Variants in FSHR observed in about 807,000 individuals in gnomAD.
FSHR encodes follicle stimulating hormone receptor.
Under a neutral mutation model 52.1 loss-of-function variants are expected in FSHR, and 46 were observed. The ratio of observed to expected loss-of-function variants is 0.88; its 90% CI spans 0.70 to 1.13. The LOEUF is 1.13. Ranked by LOEUF, FSHR falls within the 50% of genes most tolerant of loss-of-function variation. The probability of loss-of-function intolerance (pLI) is 0.00; values close to 1 mark genes in which losing one functional copy is unlikely to be tolerated. For missense variants in FSHR, 964 were observed against 834.6 expected (o/e 1.16, Z -1.91); for synonymous variants, 399 against 309.6 (o/e 1.29, Z -3.03).
At chr2:49,043,730 C>T (rs1323078690) in intron 2 of FSHR, among the ~76,000 whole-genome samples, 2 of 152,166 alleles carry the variant, frequency 1.3e-5, no homozygotes, top group African/African-American at 4.8e-5. Flanking sequence ...TCTTCTATTC[C>T]TGTTTGAACA....
At chr2:49,103,230 A>C (rs1388176220) in intron 1 of FSHR, among the ~76,000 whole-genome samples, 1 of 152,138 alleles carries the variant, frequency 6.6e-6, no homozygotes, top group African/African-American at 2.4e-5. Flanking sequence ...GGAGCCCCTG[A>C]GGATATCTAG....
intron 1 of FSHR, among the ~76,000 whole-genome samples, chr2:49,116,794 C>G (rs896154983): frequency 1.3e-5 from 2 of 152,126 alleles, no homozygotes; most frequent in Non-Finnish European, 2.9e-5. Context: ...ATGGTCAAAT[C>G]AGGGTTCTTA....
At chr2:49,144,175 A>G (rs1297360149) in intron 1 of FSHR, among the ~76,000 whole-genome samples, 1 of 152,130 alleles carries the variant, frequency 6.6e-6, no homozygotes, top group African/African-American at 2.4e-5. Context: ...AGGAATTTGG[A>G]AGAATCTTCT....
chr2:49,069,936 TG>T (rs1278457007), intron 1 of FSHR, among the ~76,000 whole-genome samples: 1 of 152,142 alleles, frequency 6.6e-6, no homozygotes, highest in Admixed American at 6.6e-5. Context: ...TATATATTGG[TG>T]TTAGTGAAAT....
At chr2:48,997,746 C>A (rs1469416005) in intron 4 of FSHR, among the ~76,000 whole-genome samples, 2 of 152,110 alleles carry the variant, frequency 1.3e-5, no homozygotes, top group Admixed American at 6.6e-5. Context: ...TTTCCTTGAT[C>A]CACTAGGACC....
At position 48,990,566 on chromosome 2, in the gene FSHR, A is replaced by T. The variant is rs1675724245; in HGVS notation, c.446T>A (p.Leu149His). ...HKIHSLQKVL[L>H]DIQDNINIHT... ...GTAGTCACTCAAGGAAAAAACTTAC[A>T]GTAAAACTTTTTGGAGAGAATGAAT... The change falls in exon 5 of 10, where the codon CTT becomes CAT. Residue 149 changes from leucine to histidine, a missense_variant and splice_region_variant. Physicochemically the swap from Leu to His is moderately conservative, Grantham distance 99. Transcript: ENST00000406846. The T allele has an allele frequency of 6.2e-7, 1 of 1,603,164 alleles. No individual in the cohort carries two copies. Among genetic ancestry groups the T allele is most frequent in the Non-Finnish European group, 8.5e-7 (1 of 1,170,026 alleles).
chr2:49,122,376 C>A (rs943520142), intron 1 of FSHR, among the ~76,000 whole-genome samples: 1 of 152,194 alleles, frequency 6.6e-6, no homozygotes, highest in Non-Finnish European at 1.5e-5. Context: ...CACGGAGTGA[C>A]AACAAGCTTA....
chr2:48,989,791 G>C (rs1573055254), intron 5 of FSHR, among the ~76,000 whole-genome samples: 1 of 152,036 alleles, frequency 6.6e-6, no homozygotes, highest in African/African-American at 2.4e-5. Flanking sequence ...CTGAATGAAA[G>C]GATGAGGAAA....
At chr2:49,061,816 A>C (rs1284877495) in intron 2 of FSHR, among the ~76,000 whole-genome samples, 1 of 139,330 alleles carries the variant, frequency 7.2e-6, no homozygotes, top group Non-Finnish European at 1.5e-5. Flanking sequence ...ATATAGTCAT[A>C]TATAACTATA....
intron 4 of FSHR, among the ~76,000 whole-genome samples, chr2:49,011,116 A>G (rs1236553303): frequency 6.7e-6 from 1 of 150,018 alleles, no homozygotes; most frequent in Non-Finnish European, 1.5e-5. Context: ...TTTAATTTTG[A>G]TGTTAGGGTG....
chr2:49,096,566 A>G (rs1486614484), intron 1 of FSHR, among the ~76,000 whole-genome samples: 2 of 152,242 alleles, frequency 1.3e-5, no homozygotes, highest in Non-Finnish European at 2.9e-5. Context: ...ATGCACTAAG[A>G]ATCACTTAAT....
At chr2:48,998,045 A>T (rs1676099268) in intron 4 of FSHR, among the ~76,000 whole-genome samples, 1 of 152,080 alleles carries the variant, frequency 6.6e-6, no homozygotes, top group African/African-American at 2.4e-5. Context: ...GGGTTTTCTG[A>T]TCAGGATCAT....
At chr2:49,011,586 A>T (rs964389522) in intron 4 of FSHR, among the ~76,000 whole-genome samples, 26 of 152,124 alleles carry the variant, frequency 1.7e-4, no homozygotes, top group Middle Eastern at 3.4e-3. Flanking sequence ...GGTATCCTTG[A>T]ATTTTCTAAA....
At chr2:48,972,567 G>A (rs1674790076) in intron 8 of FSHR, among the ~76,000 whole-genome samples, 1 of 152,084 alleles carries the variant, frequency 6.6e-6, no homozygotes, top group African/African-American at 2.4e-5. Context: ...CTTCTAGCCA[G>A]TTCTGTTAGT....
At chr2:49,026,072 C>T (rs1667902327) in intron 2 of FSHR, among the ~76,000 whole-genome samples, 2 of 152,184 alleles carry the variant, frequency 1.3e-5, no homozygotes, top group Admixed American at 1.3e-4. Context: ...ATGGTCTTGT[C>T]TTCCCAGATC....
At chr2:48,972,715 T>C (rs1674798160) in intron 8 of FSHR, among the ~76,000 whole-genome samples, 2 of 152,148 alleles carry the variant, frequency 1.3e-5, no homozygotes, top group South Asian at 4.2e-4. Context: ...CTCCAAGAAA[T>C]GAGATTAAAA....
chr2:48,988,300 A>G (rs147431183), intron 6 of FSHR, among the ~76,000 whole-genome samples: 11 of 152,312 alleles, frequency 7.2e-5, no homozygotes, highest in African/African-American at 2.4e-4. Context: ...TGTAAGTGCA[A>G]TTGCTGGGTC....
chr2:49,143,970 C>G (rs1299304924), intron 1 of FSHR, among the ~76,000 whole-genome samples: 1 of 152,124 alleles, frequency 6.6e-6, no homozygotes, highest in Admixed American at 6.6e-5. Flanking sequence ...GGCAGCCAGA[C>G]TTTCCCCTCA....
chr2:49,128,411 G>A (rs1163172375), intron 1 of FSHR, among the ~76,000 whole-genome samples: 2 of 151,990 alleles, frequency 1.3e-5, no homozygotes, highest in Non-Finnish European at 2.9e-5. Context: ...GCTATACCAT[G>A]CACAAAATAA....
Sources: allele counts gnomAD v4.1 joint callset (sites outside exome capture counted in the v4.1 genomes callset), GRCh38; gene constraint gnomAD v4.1.1; transcripts MANE v1.5; gene names NCBI Gene and HGNC (gene_info 2026-07-23, HGNC 2026-07-21).